DAB1: variants seen among roughly 807,000 people sequenced by gnomAD.
DAB1 encodes the protein DAB adaptor protein 1.
DAB1 carries 15 observed loss-of-function variants against 64.6 expected under a neutral mutation model. The observed-to-expected ratio is 0.23, with a 90% CI of 0.16 to 0.36. The LOEUF (loss-of-function observed/expected upper bound fraction) is 0.36, where lower values mean the gene tolerates loss of function less well. Ranked by LOEUF, DAB1 falls within the 10% of genes least tolerant of loss-of-function variation. The probability of loss-of-function intolerance (pLI) is 1.00; values close to 1 mark genes in which losing one functional copy is unlikely to be tolerated. For missense variants in DAB1, 596 were observed against 706.7 expected (o/e 0.84, Z 1.78); for synonymous variants, 235 against 251.9 (o/e 0.93, Z 0.64).
At chr1:57,077,483 C>T (rs185694878) in intron 4 of DAB1, among the ~76,000 whole-genome samples, 5 of 152,236 alleles carry the variant, frequency 3.3e-5, no homozygotes, top group Admixed American at 2.6e-4. Flanking sequence ...AAGATAAGCC[C>T]TACATATGGT....
rs183778129 is a variant in DAB1, at chr1:57,048,321, C to A, written c.723+14563G>T. 1.9e-4 allele frequency among the ~76,000 whole-genome samples: 29 copies of A among 152,284 alleles called. 1 individual carries two copies. In the East Asian group the frequency reaches 5.6e-3, roughly 29 times the overall value. On this transcript the variant is annotated intron_variant, in intron 9 of 14. Transcript: ENST00000371236. Reference sequence around the variant, plus strand: ...TTCTTATTTAATCCACATAATAACCCAGGGAAGTAGCTCTTTTCATCTTGT... The same window carrying A: ...TTCTTATTTAATCCACATAATAACCAAGGGAAGTAGCTCTTTTCATCTTGT...
At chr1:57,680,960 G>GTTC (rs1389325367) in intron 6 of DAB1, among the ~76,000 whole-genome samples, 1 of 152,212 alleles carries the variant, frequency 6.6e-6, no homozygotes, top group Admixed American at 6.5e-5. Context: ...TGCTTAGCAA[G>GTTC]TTCTTGATCA....
intron 4 of DAB1, among the ~76,000 whole-genome samples, chr1:58,327,301 A>G (rs1662856073): frequency 6.6e-6 from 1 of 152,056 alleles, no homozygotes; most frequent in Non-Finnish European, 1.5e-5. Flanking sequence ...GGGAGGGAGG[A>G]AGGAAGGAAG....
intron 4 of DAB1, among the ~76,000 whole-genome samples, chr1:58,206,305 G>A (rs999590267): frequency 6.6e-6 from 1 of 152,194 alleles, no homozygotes; most frequent in Non-Finnish European, 1.5e-5. Flanking sequence ...AATCAGATAT[G>A]CATTTATCTC....
chr1:57,969,395 TGCAGTGGAGCCATCTTGGCTCACC>T (rs1645744206), intron 5 of DAB1, among the ~76,000 whole-genome samples: 1 of 152,156 alleles, frequency 6.6e-6, no homozygotes. Context: ...CAGGCTGGAG[TGCAGTGGAGCCATCTTGGCTCACC>T]GCAACCTCCA....
At chr1:57,179,548 G>A (rs754564938) in intron 2 of DAB1, among the ~76,000 whole-genome samples, 5 of 152,074 alleles carry the variant, frequency 3.3e-5, no homozygotes, top group South Asian at 2.1e-4. Context: ...GGCAGATCTC[G>A]TCTCCATTTC....
chr1:57,293,433 G>T (rs562230774), intron 1 of DAB1, among the ~76,000 whole-genome samples: 3 of 152,284 alleles, frequency 2.0e-5, no homozygotes, highest in Admixed American at 2.0e-4. Flanking sequence ...GTACAATGGG[G>T]ATAATAGTGC....
chr1:58,299,430 T>A (rs1253357445), intron 4 of DAB1, among the ~76,000 whole-genome samples: 1 of 152,240 alleles, frequency 6.6e-6, no homozygotes, highest in Non-Finnish European at 1.5e-5. Flanking sequence ...GAACTTCTAT[T>A]CACATTTATT....
chr1:57,603,041 C>T (rs554210720), intron 7 of DAB1, among the ~76,000 whole-genome samples: 8 of 152,324 alleles, frequency 5.3e-5, no homozygotes, highest in East Asian at 3.9e-4. Context: ...GGCACGATCT[C>T]GGCTCACTGC....
intron 6 of DAB1, among the ~76,000 whole-genome samples, chr1:57,737,426 T>C (rs1476738810): frequency 6.6e-6 from 1 of 152,206 alleles, no homozygotes; most frequent in Non-Finnish European, 1.5e-5. Context: ...CCTTGGATCT[T>C]GAAGCACTTA....
At chr1:58,264,511 T>C (rs765028706) in intron 4 of DAB1, among the ~76,000 whole-genome samples, 3 of 152,226 alleles carry the variant, frequency 2.0e-5, no homozygotes, top group Non-Finnish European at 4.4e-5. Context: ...AAGTTATTTC[T>C]CATTCAAGTT....
At chr1:57,714,617 G>C (rs576014207) in intron 6 of DAB1, among the ~76,000 whole-genome samples, 1 of 152,132 alleles carries the variant, frequency 6.6e-6, no homozygotes, top group Non-Finnish European at 1.5e-5. Context: ...TTGGAGATCC[G>C]GGAAGCCCCA....
At chr1:58,192,831 G>T (rs1398381745) in intron 4 of DAB1, among the ~76,000 whole-genome samples, 1 of 152,040 alleles carries the variant, frequency 6.6e-6, no homozygotes, top group East Asian at 1.9e-4. Context: ...CCCAGTAGTG[G>T]GATTGCTAGA....
intron 5 of DAB1, among the ~76,000 whole-genome samples, chr1:57,932,182 T>A (rs1209419536): frequency 6.6e-6 from 1 of 152,236 alleles, no homozygotes; most frequent in Admixed American, 6.5e-5. Flanking sequence ...TAATTCTGTG[T>A]TCTGAGAGCA....
intron 5 of DAB1, among the ~76,000 whole-genome samples, chr1:57,954,041 T>C (rs1645334476): frequency 6.6e-6 from 1 of 152,114 alleles, no homozygotes; most frequent in Non-Finnish European, 1.5e-5. Context: ...CTTCTGAGTG[T>C]ACCATCTGTT....
chr1:58,329,112 A>G (rs1662913830), intron 4 of DAB1, among the ~76,000 whole-genome samples: 1 of 152,164 alleles, frequency 6.6e-6, no homozygotes, highest in African/African-American at 2.4e-5. Context: ...TTCTTTGTGT[A>G]TTTTTCTTAC....
intron 1 of DAB1, chr1:58,539,198 A>G: frequency 1.1e-6 from 1 of 872,938 alleles, no homozygotes. Flanking sequence ...CGTGAGGTGG[A>G]TGCTAATGTG....
chr1:57,252,138 T>G (rs1669389089), intron 2 of DAB1, among the ~76,000 whole-genome samples: 1 of 152,248 alleles, frequency 6.6e-6, no homozygotes, highest in African/African-American at 2.4e-5. Context: ...GAAATTCCAT[T>G]TATGTCCAAT....
intron 2 of DAB1, among the ~76,000 whole-genome samples, chr1:57,177,705 A>C (rs1662475971): frequency 6.6e-6 from 1 of 152,112 alleles, no homozygotes; most frequent in African/African-American, 2.4e-5. Flanking sequence ...CATCATTCTT[A>C]TTTTTATTTT....
Sources: gnomAD v4.1 joint callset for allele counts (sites outside exome capture counted in the v4.1 genomes callset) on GRCh38, gnomAD v4.1.1 for gene constraint, MANE v1.5 for transcripts, NCBI Gene and HGNC (gene_info 2026-07-23, HGNC 2026-07-21) for gene names.